Variants in SCARA3 observed in about 807,000 individuals in gnomAD.
SCARA3 encodes cellular stress response gene protein.
Under a neutral mutation model 47.0 loss-of-function variants are expected in SCARA3, and 39 were observed. That is an observed-to-expected ratio of 0.83 (90% CI 0.64 to 1.08). The LOEUF is 1.08. SCARA3 is among the 50% of genes least tolerant of loss of function. The pLI, the probability that SCARA3 is intolerant of heterozygous loss-of-function variation, is 0.00. For missense variants in SCARA3, 724 were observed against 792.3 expected (o/e 0.91, Z 1.04); for synonymous variants, 356 against 334.1 (o/e 1.07, Z -0.71).
At chr8:27,678,416 A>T (rs147900264), downstream of SCARA3, among the ~76,000 whole-genome samples, 278 of 151,460 alleles carry the variant, frequency 1.8e-3, 1 homozygote, top group African/African-American at 6.1e-3. Flanking sequence ...AATAAAGTTG[A>T]CAACTTACAT....
At chr8:27,712,277 C>T in the SCARA3 span, among the ~76,000 whole-genome samples, 6,271 of 152,028 alleles carry the variant, frequency 0.041, 421 homozygotes, top group African/African-American at 0.14. Context: ...AAGATTCTTC[C>T]ATGTGGCCGG....
intron 1 of SCARA3, among the ~76,000 whole-genome samples, chr8:27,638,172 A>G (rs905741327): frequency 7.2e-5 from 11 of 152,164 alleles, no homozygotes; most frequent in Admixed American, 7.2e-4. Flanking sequence ...GTTTCTCAGT[A>G]GGCTAGGTTG....
chr8:27,730,505 T>TTA, the SCARA3 span, among the ~76,000 whole-genome samples: 1 of 150,104 alleles, frequency 6.7e-6, no homozygotes, highest in African/African-American at 2.5e-5. Flanking sequence ...TTTTTTTTTT[T>TTA]AATCGGGTCT....
rs1248552208 is a variant in SCARA3, at chr8:27,659,360, A to T, written c.1190A>T (p.Tyr397Phe). 1.9e-6 allele frequency: 3 copies of T among 1,614,058 alleles called. No individual in the cohort carries two copies. In the Admixed American group the frequency reaches 5.0e-5, roughly 27 times the overall value. ...LGFHTHAEEL[Y>F]YLNKSVSIML... ...TTCCACACCCATGCCGAGGAGCTCT[A>T]CTACCTGAACAAGTCTGTCTCCATC... Residue 397 changes from tyrosine to phenylalanine, a missense_variant, in exon 5 of 6, where the codon TAC becomes TTC. Coordinates refer to ENST00000301904, the MANE Select transcript of SCARA3 (RefSeq NM_016240.3).
the SCARA3 span, among the ~76,000 whole-genome samples, chr8:27,712,512 G>C: frequency 1.4e-5 from 2 of 140,282 alleles, no homozygotes; most frequent in Non-Finnish European, 3.0e-5. Context: ...GCAGTGAGCC[G>C]AGATCCCGCC....
chr8:27,686,421 G>C, the SCARA3 span, among the ~76,000 whole-genome samples: 4 of 151,750 alleles, frequency 2.6e-5, no homozygotes, highest in Admixed American at 1.3e-4. Context: ...TCCAGCCTCA[G>C]CAACAGAGTG....
At chr8:27,666,510 T>C (rs1802018149) in intron 5 of SCARA3, among the ~76,000 whole-genome samples, 1 of 152,132 alleles carries the variant, frequency 6.6e-6, no homozygotes, top group Non-Finnish European at 1.5e-5. Flanking sequence ...ACAAGCAAGT[T>C]TGAGAGTCCC....
chr8:27,679,770 A>T (rs1191904587), downstream of SCARA3: 2 of 152,178 alleles, frequency 1.3e-5, no homozygotes, highest in Non-Finnish European at 2.9e-5. Flanking sequence ...CACAGACAGT[A>T]CTCTCTCTAC....
intron 1 of SCARA3, among the ~76,000 whole-genome samples, chr8:27,635,026 T>C (rs918004084): frequency 6.6e-5 from 10 of 152,154 alleles, no homozygotes; most frequent in Non-Finnish European, 1.3e-4. Context: ...TCAGTAATCC[T>C]CCTGTAACAC....
chr8:27,730,629 C>T, the SCARA3 span, among the ~76,000 whole-genome samples: 2 of 151,820 alleles, frequency 1.3e-5, no homozygotes, highest in African/African-American at 4.8e-5. Context: ...GACTATAAGG[C>T]GACTGCCAAC....
chr8:27,647,160 C>A (rs1458296227), intron 1 of SCARA3, among the ~76,000 whole-genome samples: 1 of 152,150 alleles, frequency 6.6e-6, no homozygotes, highest in African/African-American at 2.4e-5. Context: ...GGCAAAAATG[C>A]ACGTGCACAC....
downstream of SCARA3, among the ~76,000 whole-genome samples, chr8:27,680,795 C>T (rs1802344251): frequency 6.6e-6 from 1 of 152,056 alleles, no homozygotes; most frequent in African/African-American, 2.4e-5. Flanking sequence ...AGATAATGTA[C>T]CATGGCTAAG....
chr8:27,638,984 T>C (rs986986272), intron 1 of SCARA3, among the ~76,000 whole-genome samples: 6 of 152,100 alleles, frequency 3.9e-5, no homozygotes, highest in African/African-American at 1.2e-4. Flanking sequence ...AGATGTGACA[T>C]GTGGGAGCTG....
At chr8:27,721,586 A>T in the SCARA3 span, among the ~76,000 whole-genome samples, 1 of 152,170 alleles carries the variant, frequency 6.6e-6, no homozygotes, top group Non-Finnish European at 1.5e-5. Flanking sequence ...GACAATTGAG[A>T]TTCATCCCAA....
chr8:27,685,875 C>G, the SCARA3 span, among the ~76,000 whole-genome samples: 1 of 152,130 alleles, frequency 6.6e-6, no homozygotes, highest in African/African-American at 2.4e-5. Flanking sequence ...GGAGGTGCTG[C>G]CCAGTCAAAC....
At chr8:27,720,821 C>A in the SCARA3 span, among the ~76,000 whole-genome samples, 8 of 152,000 alleles carry the variant, frequency 5.3e-5, no homozygotes, top group African/African-American at 1.9e-4. Context: ...TTCGTCCAGC[C>A]TTCTATTTAT....
chr8:27,729,557 G>A, the SCARA3 span, among the ~76,000 whole-genome samples: 2 of 152,138 alleles, frequency 1.3e-5, no homozygotes, highest in Non-Finnish European at 2.9e-5. Context: ...TTGGGAGGCC[G>A]AGGCGGGCGG....
At chr8:27,649,612 T>C (rs1431026112) in intron 1 of SCARA3, 90 bp from the exon 2 acceptor site, 1 of 1,206,500 alleles carries the variant, frequency 8.3e-7, no homozygotes. Flanking sequence ...GGGGTAGAGG[T>C]GGGCATGGGA....
chr8:27,635,451 A>C (rs1801230160), intron 1 of SCARA3, among the ~76,000 whole-genome samples: 1 of 152,028 alleles, frequency 6.6e-6, no homozygotes, highest in Non-Finnish European at 1.5e-5. Context: ...AATGTATTTT[A>C]TTTTGTTTTA....
Sources: gnomAD v4.1 joint callset for allele counts (sites outside exome capture counted in the v4.1 genomes callset) on GRCh38, gnomAD v4.1.1 for gene constraint, MANE v1.5 for transcripts, NCBI Gene and HGNC (gene_info 2026-07-23, HGNC 2026-07-21) for gene names.